CCDC191: variants seen among roughly 807,000 people sequenced by gnomAD.
CCDC191 encodes the protein coiled-coil domain-containing protein 191.
CCDC191 carries 99 observed loss-of-function variants against 114.0 expected under a neutral mutation model. The ratio of observed to expected loss-of-function variants is 0.87; its 90% confidence interval spans 0.74 to 1.03. The LOEUF (loss-of-function observed/expected upper bound fraction) is 1.03. Ranked by LOEUF, CCDC191 falls within the 50% of genes least tolerant of loss-of-function variation. The probability of loss-of-function intolerance (pLI) is 0.00; values close to 1 mark genes in which losing one functional copy is unlikely to be tolerated. For synonymous variants in CCDC191, 351 were observed against 376.0 expected (o/e 0.93, Z 0.77); for missense variants, 973 against 1,087.0 (o/e 0.90, Z 1.47).
intron 13 of CCDC191, among the ~76,000 whole-genome samples, chr3:113,992,141 A>G (rs2075588715): frequency 6.6e-6 from 1 of 152,206 alleles, no homozygotes; most frequent in Non-Finnish European, 1.5e-5. Flanking sequence ...GTGAAGTTCC[A>G]GCACATCACT....
intron 4 of CCDC191, among the ~76,000 whole-genome samples, chr3:114,040,014 A>T (rs1166921488): frequency 6.6e-6 from 1 of 152,246 alleles, no homozygotes; most frequent in African/African-American, 2.4e-5. Context: ...ACTAACCCAG[A>T]GCAGCTTCCT....
At chr3:114,027,767 T>C (rs2107717624) in intron 7 of CCDC191, among the ~76,000 whole-genome samples, 1 of 152,262 alleles carries the variant, frequency 6.6e-6, no homozygotes, top group East Asian at 1.9e-4. Context: ...CAGTGAAACA[T>C]TCTGAGGGTG....
At chr3:114,008,557 A>G (rs1018384467) in intron 9 of CCDC191, among the ~76,000 whole-genome samples, 2 of 152,118 alleles carry the variant, frequency 1.3e-5, no homozygotes, top group Non-Finnish European at 2.9e-5. Context: ...TTTTCTAAAC[A>G]TGACAAGAGC....
At chr3:114,017,102 CTTTT>C (rs374809107) in intron 8 of CCDC191, among the ~76,000 whole-genome samples, 2 of 136,476 alleles carry the variant, frequency 1.5e-5, no homozygotes, top group African/African-American at 2.7e-5. Flanking sequence ...CAAGGATTCA[CTTTT>C]TTTTTTTTTT....
chr3:113,997,451 A>G (rs1313578558), intron 13 of CCDC191, among the ~76,000 whole-genome samples: 1 of 152,180 alleles, frequency 6.6e-6, no homozygotes, highest in Non-Finnish European at 1.5e-5. Context: ...TAGCAATTAG[A>G]CCCTCAGTAC....
At chr3:114,001,742 C>A in intron 12 of CCDC191, 46 bp from the exon 13 acceptor site, 1 of 1,609,438 alleles carries the variant, frequency 6.2e-7, no homozygotes, top group African/African-American at 1.3e-5. Flanking sequence ...TCAATTTGAA[C>A]AGAAATGTGA....
At chr3:114,015,239 G>A (rs2076139913) in intron 8 of CCDC191, among the ~76,000 whole-genome samples, 3 of 152,202 alleles carry the variant, frequency 2.0e-5, no homozygotes, top group Admixed American at 2.0e-4. Context: ...ACAAAGGGAA[G>A]AGGTAAAAGC....
chr3:113,979,758 C>T (rs534567078), intron 14 of CCDC191, among the ~76,000 whole-genome samples: 90 of 152,272 alleles, frequency 5.9e-4, no homozygotes, highest in South Asian at 5.4e-3. Context: ...ATGACCACCA[C>T]GGAGGTCTCT....
At chr3:113,969,124 A>C (rs1298426634) in intron 16 of CCDC191, among the ~76,000 whole-genome samples, 1 of 152,216 alleles carries the variant, frequency 6.6e-6, no homozygotes, top group African/African-American at 2.4e-5. Flanking sequence ...GAATGCACTC[A>C]TTTACAGAGG....
intron 3 of CCDC191, among the ~76,000 whole-genome samples, chr3:114,043,452 AAG>A (rs2076590114): frequency 6.6e-6 from 1 of 152,142 alleles, no homozygotes; most frequent in African/African-American, 2.4e-5. Flanking sequence ...ATAACTGGGG[AAG>A]CAATACTACT....
At chr3:114,007,641 A>G (rs1054331770) in intron 9 of CCDC191, among the ~76,000 whole-genome samples, 9 of 152,158 alleles carry the variant, frequency 5.9e-5, no homozygotes, top group Non-Finnish European at 1.0e-4. Flanking sequence ...ACTTTTTAAC[A>G]TGAAAATAAA....
At chr3:113,991,200 C>T (rs1291684537) in intron 13 of CCDC191, among the ~76,000 whole-genome samples, 2 of 147,514 alleles carry the variant, frequency 1.4e-5, no homozygotes, top group Non-Finnish European at 3.0e-5. Context: ...CACGCCACTG[C>T]ACTCCAGCCT....
intron 7 of CCDC191, among the ~76,000 whole-genome samples, chr3:114,026,884 A>G (rs1480658907): frequency 6.6e-6 from 1 of 152,214 alleles, no homozygotes; most frequent in Non-Finnish European, 1.5e-5. Flanking sequence ...GATGTAGGTT[A>G]GTGTCACCCA....
chr3:113,973,710 T>C (rs1046835711), intron 16 of CCDC191, among the ~76,000 whole-genome samples: 20 of 152,100 alleles, frequency 1.3e-4, no homozygotes, highest in African/African-American at 4.8e-4. Flanking sequence ...CTTCATTATA[T>C]GTTATTTGCC....
At chr3:114,049,442 T>C (rs1317067896) in intron 2 of CCDC191, among the ~76,000 whole-genome samples, 1 of 152,216 alleles carries the variant, frequency 6.6e-6, no homozygotes, top group Non-Finnish European at 1.5e-5. Context: ...ACTTTAGTGT[T>C]TTAAAAATCC....
Position 114,004,651 on chromosome 3 carries a change from T to G in CCDC191, c.1964A>C (p.His655Pro), listed in dbSNP as rs757390174. Reference protein sequence around the residue: ...RRKPKQLMTPHPILKAMEERA... With the variant: ...RRKPKQLMTPPPILKAMEERA... Reference sequence around the variant, plus strand: ...GACAGCCCTGCCTTTTAGTATGGGATGCGGTGTCATCAATTGCTTTGGTTT... The same window carrying G: ...GACAGCCCTGCCTTTTAGTATGGGAGGCGGTGTCATCAATTGCTTTGGTTT... Residue 655 changes from histidine (H) to proline (P), a missense_variant, in exon 11 of 17, where the codon CAT becomes CCT. His to Pro is a moderately conservative substitution (Grantham distance 77, BLOSUM62 -2). Coordinates refer to ENST00000295878, the MANE Select transcript of CCDC191 (RefSeq NM_020817.2). 6.2e-7 allele frequency: 1 copy of G among 1,610,394 alleles called. No individual in the cohort carries two copies. Among genetic ancestry groups the G allele is most frequent in the Non-Finnish European group, 8.5e-7 (1 of 1,178,742 alleles).
intron 2 of CCDC191, chr3:114,047,104 A>C (rs1216591073): frequency 1.0e-6 from 1 of 981,702 alleles, no homozygotes; most frequent in Non-Finnish European, 1.2e-6. Flanking sequence ...TAGGACTTGC[A>C]TATGAATATG....
At chr3:113,987,947 C>A (rs566570678) in intron 13 of CCDC191, among the ~76,000 whole-genome samples, 129 of 151,652 alleles carry the variant, frequency 8.5e-4, no homozygotes, top group African/African-American at 3.0e-3. Context: ...GAGGCTGAGG[C>A]AGGAGAATTG....
At chr3:114,045,898 TCATGAAAGCAAGGG>T (rs2076623173) in intron 3 of CCDC191, among the ~76,000 whole-genome samples, 2 of 152,236 alleles carry the variant, frequency 1.3e-5, no homozygotes, top group Non-Finnish European at 2.9e-5. Flanking sequence ...AATGTATATT[TCATGAAAGCAAGGG>T]CTTTGTCTCT....
Sources: allele counts gnomAD v4.1 joint callset (sites outside exome capture counted in the v4.1 genomes callset), GRCh38; gene constraint gnomAD v4.1.1; transcripts MANE v1.5; gene names NCBI Gene and HGNC (gene_info 2026-07-23, HGNC 2026-07-21).